The following HDAC5 variants were observed in gnomAD, a reference collection of about 807,000 sequenced individuals.
The protein encoded by HDAC5 is histone deacetylase 5.
HDAC5 carries 25 observed loss-of-function variants against 133.3 expected under a neutral mutation model. The observed-to-expected ratio is 0.19, with a 90% CI of 0.14 to 0.26. The LOEUF (loss-of-function observed/expected upper bound fraction) is 0.26, where lower values mean the gene tolerates loss of function less well. Ranked by LOEUF, HDAC5 falls within the 10% of genes least tolerant of loss-of-function variation. The pLI is 1.00. For synonymous variants in HDAC5, 589 were observed against 610.8 expected, an observed-to-expected ratio of 0.96 and a Z score of 0.53; for missense variants, 1,041 against 1,460.5, an observed-to-expected ratio of 0.71 and a Z score of 4.68.
intron 3 of HDAC5, among the ~76,000 whole-genome samples, chr17:44,109,420 T>C (rs1035822367): frequency 5.9e-5 from 9 of 152,156 alleles, no homozygotes; most frequent in African/African-American, 2.2e-4. Flanking sequence ...CGTGGGTATC[T>C]TGTAGAGCCG....
In HDAC5 at chr17:44,087,432, G is replaced by A. The variant is rs752698720; in HGVS notation, c.1864C>T (p.Pro622Ser). 6 of 1,128,614 alleles carry A rather than the reference G, an allele frequency of 5.3e-6. No individual in the cohort carries two copies. The highest frequency in any genetic ancestry group is 5.4e-6 in the Non-Finnish European group (4 of 737,578). The allele number at this position is 1,128,614 out of a possible 1,614,324, so 69.9% of individuals were successfully genotyped here. Residue 622 changes from proline to serine, a missense_variant, in exon 13 of 27, where the codon CCT becomes TCT. Pro to Ser is a moderately conservative substitution (Grantham distance 74). Around this residue, in one of 9 missense-constraint regions of HDAC5, gnomAD observed 433 missense variants for 531.6 expected, o/e 0.81. Transcript: ENST00000682912. ...GAEEGPDLEE[P>S]GAGYKKLFSD... ...CTCACTTTTTTGTATCCAGCACCAG[G>A]CTCCTCCAAGTCGGGCCCCTCCTCA... is the stretch of plus-strand genomic sequence containing the variant.
At chr17:44,121,338 A>G (rs1209985841) in intron 1 of HDAC5, among the ~76,000 whole-genome samples, 1 of 152,026 alleles carries the variant, frequency 6.6e-6, no homozygotes, top group African/African-American at 2.4e-5. Flanking sequence ...AGTCGGCTAC[A>G]ATAGGCCCCC....
chr17:44,077,199 T>G lies in HDAC5; in HGVS notation c.*1177A>C, dbSNP rs570301857. On this transcript the variant is annotated 3_prime_UTR_variant, in exon 27 of 27. Coordinates refer to ENST00000682912, the MANE Select transcript of HDAC5 (RefSeq NM_005474.5). ...TTCCCATCTTTGGTTTCCTACAGGC[T>G]GGATGGCATCCCCTGGAAGCCTTGT... The G allele has an allele frequency of 6.5e-6, 1 of 152,802 alleles. No homozygotes were observed. Among genetic ancestry groups the G allele is most frequent in the African/African-American group, 2.4e-5 (1 of 41,540 alleles). 9.5% of individuals were successfully genotyped at this position (152,802 alleles called of 1,614,324 possible). A position where few individuals can be genotyped will look rare whatever the true frequency, so the allele number is the denominator to read the frequency against.
Position 44,092,813 on chromosome 17 carries a change from T to TGGGGGGCCCCCCGGGGGG in HDAC5, c.642-8_642-7insCCCCCCGGGGGGCCCCCC. The TGGGGGGCCCCCCGGGGGG allele has an allele frequency of 5.0e-6, 2 of 403,416 alleles. No individual in the cohort carries two copies. Among genetic ancestry groups the TGGGGGGCCCCCCGGGGGG allele is most frequent in the Non-Finnish European group, 8.6e-6 (2 of 232,456 alleles). 25.0% of individuals were successfully genotyped at this position (403,416 alleles called of 1,614,324 possible). A position where few individuals can be genotyped will look rare whatever the true frequency, so the allele number is the denominator to read the frequency against. On this transcript the variant is annotated splice_region_variant and splice_polypyrimidine_tract_variant and intron_variant, in intron 6 of 26. Coordinates refer to ENST00000682912, the MANE Select transcript of HDAC5 (RefSeq NM_005474.5). Reference sequence around the variant, plus strand: ...AGAAGCATGGTGGGCTCCCCTGGGGTGGGGGGGGGGTGGGGATGGAAGCAG... The same window carrying TGGGGGGCCCCCCGGGGGG: ...AGAAGCATGGTGGGCTCCCCTGGGGTGGGGGGCCCCCCGGGGGGGGGGGGGGGGTGGGGATGGAAGCAG...
At chr17:44,096,511 T>C (rs1173246125) in intron 3 of HDAC5, among the ~76,000 whole-genome samples, 1 of 151,142 alleles carries the variant, frequency 6.6e-6, no homozygotes, top group East Asian at 1.9e-4. Flanking sequence ...TTTGCTCTTG[T>C]CATCCAGGCT....
rs753393533 is a variant in HDAC5 at position 44,088,521 on chromosome 17, G to A, written c.1465C>T (p.Arg489Trp). The A allele has an allele frequency of 1.9e-5, 31 of 1,613,246 alleles. No homozygotes were observed. The highest frequency in any genetic ancestry group is 1.1e-4 in the South Asian group (10 of 91,054). The change falls in exon 12 of 27, where the codon CGG becomes TGG. Residue 489 changes from arginine to tryptophan, a missense_variant. By Grantham distance (101) the Arg-to-Trp change is moderately radical. Coordinates refer to ENST00000682912, the MANE Select transcript of HDAC5 (RefSeq NM_005474.5). The stretch of plus-strand genomic sequence containing the variant: ...TGAGTGCGGCTCAGGGGCCGATGCC[G>A]CGGGAGCTTGCCTACCGTCCGCATG... ...TSMRTVGKLP[R>W]HRPLSRTQSS... is the part of the protein sequence containing the mutation.
chr17:44,093,083 G>T lies in HDAC5; in HGVS notation c.641+9C>A. On this transcript the variant is annotated intron_variant, in intron 6 of 26. Transcript: ENST00000682912. ...CCTATGCCCACCCATGCCTGCCCAG[G>T]GCCATTACCAGCATTTGGGGTGCTG... 6.3e-7 allele frequency: 1 copy of T among 1,598,186 alleles called. No homozygotes were observed. Among genetic ancestry groups the T allele is most frequent in the Non-Finnish European group, 8.5e-7 (1 of 1,169,636 alleles).
intron 14 of HDAC5, chr17:44,085,393 G>A (rs2050598975): frequency 2.8e-6 from 1 of 361,254 alleles, no homozygotes; most frequent in Non-Finnish European, 5.0e-6. Context: ...GTGTGTAGTG[G>A]TGCTATCATG....
chr17:44,084,255 G>A (rs564378573), intron 16 of HDAC5, among the ~76,000 whole-genome samples: 3 of 152,264 alleles, frequency 2.0e-5, no homozygotes, highest in Non-Finnish European at 2.9e-5. Flanking sequence ...TGTCCTTGGG[G>A]ACGTCTTACC....
chr17:44,082,551 C>T (rs1268569037), intron 20 of HDAC5, 34 bp downstream of exon 20: 2 of 1,543,894 alleles, frequency 1.3e-6, no homozygotes, highest in East Asian at 2.2e-5. Flanking sequence ...TAGCTCTACC[C>T]GCCCCTGCCC....
intron 15 of HDAC5, 69 bp downstream of exon 15, chr17:44,084,952 GA>G (rs1317078502): frequency 6.5e-7 from 1 of 1,527,094 alleles, no homozygotes; most frequent in Non-Finnish European, 8.9e-7. Context: ...AGCATGAAGA[GA>G]GGCTTATCTA....
chr17:44,084,705 A>C (rs1259263277), intron 15 of HDAC5, 30 bp from the exon 16 acceptor site: 1 of 1,611,934 alleles, frequency 6.2e-7, no homozygotes, highest in South Asian at 1.1e-5. Flanking sequence ...GAGGGGTCAC[A>C]CAAAGGCACA....
At chr17:44,091,074 G>A (rs977365765) in intron 11 of HDAC5, among the ~76,000 whole-genome samples, 196 bp downstream of exon 11, 8 of 152,368 alleles carry the variant, frequency 5.3e-5, no homozygotes, top group South Asian at 2.1e-4. Context: ...GCTCTGGGAT[G>A]TGAACGCCAA....
intron 17 of HDAC5, 37 bp downstream of exon 17, chr17:44,083,768 C>T: frequency 1.9e-6 from 3 of 1,563,412 alleles, no homozygotes; most frequent in Non-Finnish European, 2.6e-6. Flanking sequence ...CCTAGGAGAG[C>T]CGCCCGCCCA....
chr17:44,083,514 A>G, intron 18 of HDAC5, 31 bp downstream of exon 18: 1 of 1,531,486 alleles, frequency 6.5e-7, no homozygotes, highest in Non-Finnish European at 9.0e-7. Flanking sequence ...GGCCATGCCA[A>G]GGGGCACCGA....
intron 1 of HDAC5, among the ~76,000 whole-genome samples, chr17:44,118,390 A>T (rs2052781147): frequency 6.6e-6 from 1 of 152,244 alleles, no homozygotes; most frequent in Admixed American, 6.5e-5. Context: ...CTGTGTAAGG[A>T]GGTCTGGCCC....
chr17:44,079,378 A>G, intron 23 of HDAC5, 101 bp from the exon 24 acceptor site: 1 of 1,227,724 alleles, frequency 8.1e-7, no homozygotes, highest in Non-Finnish European at 1.1e-6. Context: ...GCGGTGGCTC[A>G]CGCCTGTAAT....
At chr17:44,121,441 C>T (rs890387298) in intron 1 of HDAC5, among the ~76,000 whole-genome samples, 5 of 140,146 alleles carry the variant, frequency 3.6e-5, no homozygotes, top group African/African-American at 7.8e-5. Context: ...CCCTTCCCCC[C>T]CCTACTGCCA....
At chr17:44,095,256 G>A (rs945886195) in intron 3 of HDAC5, among the ~76,000 whole-genome samples, 1 of 152,170 alleles carries the variant, frequency 6.6e-6, no homozygotes, top group Admixed American at 6.6e-5. Context: ...GACACAGCTA[G>A]GTGATCCAAT....
Sources: allele counts gnomAD v4.1 joint callset (sites outside exome capture counted in the v4.1 genomes callset), GRCh38; gene constraint gnomAD v4.1.1; regional missense constraint gnomAD v4.1.1; transcripts MANE v1.5; gene names NCBI Gene and HGNC (gene_info 2026-07-23, HGNC 2026-07-21).